The following AGO3 variants were observed in gnomAD, a reference collection of about 807,000 sequenced individuals.
The protein encoded by AGO3 is argonaute RISC catalytic component 3.
In AGO3, 16 loss-of-function variants were observed where a neutral mutation model predicts 105.5. The ratio of observed to expected loss-of-function variants is 0.15; its 90% CI spans 0.10 to 0.23. The LOEUF (loss-of-function observed/expected upper bound fraction) is 0.23, where lower values mean the gene tolerates loss of function less well. Ranked by LOEUF, AGO3 falls within the 10% of genes least tolerant of loss-of-function variation. AGO3 has a pLI of 1.00. For missense variants in AGO3, 534 were observed against 1,088.0 expected, an observed-to-expected ratio of 0.49 and a Z score of 7.16; for synonymous variants, 340 against 367.3, an observed-to-expected ratio of 0.93 and a Z score of 0.85.
intron 14 of AGO3, among the ~76,000 whole-genome samples, chr1:36,038,318 C>T (rs1445512933): frequency 3.5e-5 from 5 of 143,256 alleles, no homozygotes; most frequent in African/African-American, 5.2e-5. Flanking sequence ...GCAGTGGGCG[C>T]GATCTTGGCT....
At chr1:36,040,276 A>C (rs1024368274) in intron 15 of AGO3, 31 bp from the exon 16 acceptor site, 11 of 1,600,376 alleles carry the variant, frequency 6.9e-6, no homozygotes, top group East Asian at 2.2e-5. Flanking sequence ...ATAGCTGACT[A>C]TATTGAATCT....
intron 5 of AGO3, among the ~76,000 whole-genome samples, chr1:36,001,297 AT>A (rs1287616581): frequency 6.6e-6 from 1 of 152,196 alleles, no homozygotes; most frequent in Non-Finnish European, 1.5e-5. Flanking sequence ...TACCAAAAAA[AT>A]AAATACATAC....
At chr1:35,963,867 A>G (rs1462173607) in intron 2 of AGO3, among the ~76,000 whole-genome samples, 1 of 152,128 alleles carries the variant, frequency 6.6e-6, no homozygotes, top group Non-Finnish European at 1.5e-5. Context: ...AACTGGGAAG[A>G]TGGAGATACT....
At position 36,064,725 on chromosome 1, in the gene AGO3, C is replaced by A. The variant is rs921834314; in HGVS notation, c.*8980C>A. The A allele has an allele frequency of 6.6e-6, 1 of 152,182 alleles. No individual in the cohort carries two copies. Among genetic ancestry groups the A allele is most frequent in the Non-Finnish European group, 1.5e-5 (1 of 68,036 alleles). 9.4% of individuals were successfully genotyped at this position (152,182 alleles called of 1,614,324 possible). A position where few individuals can be genotyped will look rare whatever the true frequency, so the allele number is the denominator to read the frequency against. On this transcript the variant is annotated 3_prime_UTR_variant, in exon 19 of 19. Transcript: ENST00000373191. Reference sequence around the variant, plus strand: ...CTTGTAGAGATTAGCCATTTCATTTCTTTTTGCATTTTTGCCAGTTACATT... The same window carrying A: ...CTTGTAGAGATTAGCCATTTCATTTATTTTTGCATTTTTGCCAGTTACATT...
At chr1:36,020,606 C>CATTTATTTATTTATTTATTT (rs367968988) in intron 11 of AGO3, among the ~76,000 whole-genome samples, 1 of 151,814 alleles carries the variant, frequency 6.6e-6, no homozygotes, top group South Asian at 2.1e-4. Context: ...AACTGCCATA[C>CATTTATTTATTTATTTATTT]ATTTATTTAT....
rs773946014 is a variant in AGO3 at position 36,013,909 on chromosome 1, G to A, written c.1273-6G>A. 4.4e-6 allele frequency: 7 copies of A among 1,607,660 alleles called. No homozygotes were observed. The highest frequency in any genetic ancestry group is 1.7e-4 in the Middle Eastern group (1 of 6,056). On this transcript the variant is annotated splice_region_variant and splice_polypyrimidine_tract_variant and intron_variant, in intron 10 of 18. Coordinates refer to ENST00000373191, the MANE Select transcript of AGO3 (RefSeq NM_024852.4). Reference sequence around the variant, plus strand: ...TTCACCATGTTATTTTTTTCTCCTCGTGTAGAATCGGACAGTAGCAACACC... The same window carrying A: ...TTCACCATGTTATTTTTTTCTCCTCATGTAGAATCGGACAGTAGCAACACC...
At chr1:35,953,647 T>C (rs1315123197) in intron 2 of AGO3, among the ~76,000 whole-genome samples, 2 of 122,596 alleles carry the variant, frequency 1.6e-5, no homozygotes, top group Non-Finnish European at 3.1e-5. Flanking sequence ...TGCCTCAGCC[T>C]CCCAAGTAGC....
intron 17 of AGO3, among the ~76,000 whole-genome samples, chr1:36,052,130 T>C (rs1193016652): frequency 6.6e-6 from 1 of 152,194 alleles, no homozygotes; most frequent in Non-Finnish European, 1.5e-5. Flanking sequence ...TTTATTGCAG[T>C]ACTATTACAA....
intron 13 of AGO3, 47 bp from the exon 14 acceptor site, chr1:36,036,130 A>C (rs1641996655): frequency 6.4e-7 from 1 of 1,561,138 alleles, no homozygotes; most frequent in Non-Finnish European, 8.8e-7. Context: ...AGATAAATGG[A>C]TACTGAAAAA....
At chr1:36,004,258 G>T in intron 5 of AGO3, 83 bp from the exon 6 acceptor site, 1 of 1,403,284 alleles carries the variant, frequency 7.1e-7, no homozygotes. Context: ...TAACCCTATA[G>T]ATAGTTATCC....
chr1:35,962,030 A>G (rs903134987), intron 2 of AGO3, among the ~76,000 whole-genome samples: 1 of 152,160 alleles, frequency 6.6e-6, no homozygotes, highest in Non-Finnish European at 1.5e-5. Context: ...ATAGTAATTT[A>G]TGTTTTTAAC....
intron 17 of AGO3, among the ~76,000 whole-genome samples, chr1:36,053,824 C>T (rs1390345832): frequency 6.9e-6 from 1 of 145,574 alleles, no homozygotes; most frequent in Non-Finnish European, 1.5e-5. Flanking sequence ...TCTCGGCTCA[C>T]TGCAACCTCC....
intron 2 of AGO3, 109 bp from the exon 3 acceptor site, chr1:35,966,846 A>AT (rs1646783936): frequency 1.6e-6 from 2 of 1,246,936 alleles, no homozygotes; most frequent in East Asian, 5.3e-5. Context: ...ATATATGAAT[A>AT]TTTTTTAGAA....
In AGO3 at chr1:36,014,082, T is replaced by C. The variant is rs1395976224; in HGVS notation, c.1406+34T>C. The C allele has an allele frequency of 3.1e-6, 5 of 1,613,404 alleles. No individual in the cohort carries two copies. In the African/African-American group the frequency reaches 4.0e-5, roughly 13 times the overall value. On this transcript the variant is annotated intron_variant, in intron 11 of 18. Coordinates refer to ENST00000373191, the MANE Select transcript of AGO3 (RefSeq NM_024852.4). ...TGTCATTACCTTGGCTTTGGGACTT[T>C]TTTGTGTTTAGACTTTAAATTACTC...
chr1:35,972,808 A>T (rs1646891578), intron 4 of AGO3, among the ~76,000 whole-genome samples: 1 of 151,334 alleles, frequency 6.6e-6, no homozygotes, highest in Non-Finnish European at 1.5e-5. Context: ...CCTTCTGAGT[A>T]GCTGGGACCA....
chr1:35,991,391 C>T (rs1057021048), intron 5 of AGO3, among the ~76,000 whole-genome samples: 7 of 151,984 alleles, frequency 4.6e-5, no homozygotes, highest in Non-Finnish European at 8.8e-5. Flanking sequence ...GAGTTATGCC[C>T]TTTGTGTTTG....
rs965282265 is a variant in AGO3 at position 36,008,035 on chromosome 1, C to G, written c.794-655C>G. On this transcript the variant is annotated intron_variant, in intron 6 of 18. Coordinates refer to ENST00000373191, the MANE Select transcript of AGO3 (RefSeq NM_024852.4). This position sits in a 1 kb window ranked among gnomAD's most constrained non-coding sequence, Gnocchi z 5.1. ...GAGAGTTTATTGCTTACATCAGATT[C>G]TCAAAGGGATCTTGACTCCATAAGA... 3.3e-5 allele frequency among the ~76,000 whole-genome samples: 5 copies of G among 152,144 alleles called. No individual in the cohort carries two copies. The highest frequency in any genetic ancestry group is 4.8e-5 in the African/African-American group (2 of 41,430).
At chr1:36,026,474 A>G (rs575739134) in intron 11 of AGO3, among the ~76,000 whole-genome samples, 29 of 152,290 alleles carry the variant, frequency 1.9e-4, no homozygotes, top group African/African-American at 7.0e-4. Flanking sequence ...CTTTCCTGCT[A>G]TCCTAGTGTG....
intron 5 of AGO3, among the ~76,000 whole-genome samples, chr1:35,979,225 G>T (rs1345279906): frequency 2.6e-5 from 4 of 152,048 alleles, no homozygotes; most frequent in African/African-American, 9.7e-5. Context: ...TTAGCCGGGC[G>T]TGGTGGCGGG....
Sources: allele counts gnomAD v4.1 joint callset (sites outside exome capture counted in the v4.1 genomes callset), GRCh38; gene constraint gnomAD v4.1.1; non-coding constraint Gnocchi (gnomAD v3.1); transcripts MANE v1.5; gene names NCBI Gene and HGNC (gene_info 2026-07-23, HGNC 2026-07-21).